The following PRDM11 variants were observed in gnomAD, a reference collection of about 807,000 sequenced individuals.
The protein encoded by PRDM11 is PR/SET domain 11, also known as PR domain-containing protein 11.
In PRDM11, 20 loss-of-function variants were observed where a neutral mutation model predicts 97.8. The ratio of observed to expected loss-of-function variants is 0.20; its 90% confidence interval spans 0.14 to 0.30. The LOEUF is 0.30. Among genes scored for constraint, PRDM11 ranks in the 10% least tolerant of loss-of-function variants. The probability of loss-of-function intolerance (pLI) is 1.00; values close to 1 mark genes in which losing one functional copy is unlikely to be tolerated. For synonymous variants in PRDM11, 599 were observed against 637.7 expected (o/e 0.94, Z 0.91); for missense variants, 1,139 against 1,555.2 (o/e 0.73, Z 4.50).
chr11:45,220,331 T>C (rs1390890983), intron 6 of PRDM11, among the ~76,000 whole-genome samples: 1 of 152,192 alleles, frequency 6.6e-6, no homozygotes, highest in East Asian at 1.9e-4. Context: ...TTCTGCATGT[T>C]CCCATGTAAT....
intron 1 of PRDM11, among the ~76,000 whole-genome samples, chr11:45,099,765 C>A: frequency 6.6e-6 from 1 of 152,272 alleles, no homozygotes; most frequent in Non-Finnish European, 1.5e-5. Flanking sequence ...TAAGTTATTA[C>A]TTACTGTAGT....
Position 45,182,236 on chromosome 11 carries a change from C to T in PRDM11, c.120-10C>T. 8.1e-6 allele frequency: 13 copies of T among 1,612,934 alleles called. No individual in the cohort carries two copies. The highest frequency in any genetic ancestry group is 1.1e-5 in the Non-Finnish European group (13 of 1,179,190). On this transcript the variant is annotated splice_polypyrimidine_tract_variant and intron_variant, in intron 2 of 7. Transcript: ENST00000683152. ...TCTTTGCTTTCTTTGCGGGCCTCTG[C>T]CCTGGCCAGCTCTAGGAGACCGGAC...
At chr11:45,145,765 C>T (rs1488469887), upstream of PRDM11, among the ~76,000 whole-genome samples, 1 of 152,142 alleles carries the variant, frequency 6.6e-6, no homozygotes, top group Non-Finnish European at 1.5e-5. Context: ...TGCAGTGTCC[C>T]TTGCCCTCCT....
chr11:45,107,195 A>T (rs1156525334), intron 1 of PRDM11, among the ~76,000 whole-genome samples: 1 of 152,274 alleles, frequency 6.6e-6, no homozygotes, highest in African/African-American at 2.4e-5. Context: ...AGGACAGGTG[A>T]CTATCTCAGG....
intron 1 of PRDM11, among the ~76,000 whole-genome samples, chr11:45,105,752 T>C (rs1220649285): frequency 6.6e-6 from 1 of 152,196 alleles, no homozygotes; most frequent in African/African-American, 2.4e-5. Flanking sequence ...TCCCTCTCCC[T>C]GGGGGCAGCC....
intron 1 of PRDM11, among the ~76,000 whole-genome samples, chr11:45,179,042 G>A (rs569229130): frequency 6.6e-6 from 1 of 152,334 alleles, no homozygotes; most frequent in South Asian, 2.1e-4. Context: ...CTGAAGTCTG[G>A]ATAGGAGTTC....
At chr11:45,194,791 G>T (rs1182739142) in intron 4 of PRDM11, among the ~76,000 whole-genome samples, 1 of 150,808 alleles carries the variant, frequency 6.6e-6, no homozygotes, top group African/African-American at 2.4e-5. Context: ...GTAGAGACGG[G>T]GTTTCACCGT....
intron 1 of PRDM11, among the ~76,000 whole-genome samples, chr11:45,180,020 T>A (rs570809348): frequency 6.6e-6 from 1 of 152,340 alleles, no homozygotes; most frequent in Admixed American, 6.5e-5. Flanking sequence ...TTAAGGGTGA[T>A]CCCAGCGATT....
chr11:45,196,999 T>A (rs759459522), intron 4 of PRDM11, among the ~76,000 whole-genome samples: 3 of 152,186 alleles, frequency 2.0e-5, no homozygotes, highest in Admixed American at 6.5e-5. Context: ...GTACTTAGCA[T>A]GTGATGAGCA....
At chr11:45,194,546 G>T (rs1306169661) in intron 4 of PRDM11, among the ~76,000 whole-genome samples, 1 of 144,298 alleles carries the variant, frequency 6.9e-6, no homozygotes, top group East Asian at 2.1e-4. Flanking sequence ...AGTACTAAAT[G>T]ATTTGTATAT....
chr11:45,182,762 G>T, intron 3 of PRDM11, 99 bp from the exon 4 acceptor site: 2 of 1,398,048 alleles, frequency 1.4e-6, no homozygotes, highest in African/African-American at 1.4e-5. Flanking sequence ...GCAGCTGGCT[G>T]TCCATGAGTG....
At chr11:45,149,337 C>T (rs1268542057) in intron 1 of PRDM11, among the ~76,000 whole-genome samples, 1 of 152,220 alleles carries the variant, frequency 6.6e-6, no homozygotes, top group East Asian at 1.9e-4. Context: ...TGGCCCCTGC[C>T]CTTGACCTCA....
intron 4 of PRDM11, among the ~76,000 whole-genome samples, chr11:45,189,143 C>T (rs1474977236): frequency 1.3e-5 from 2 of 152,128 alleles, no homozygotes; most frequent in Non-Finnish European, 2.9e-5. Context: ...TCAAGTGATC[C>T]GCCCACCTCA....
At chr11:45,210,068 A>G (rs895385349) in intron 5 of PRDM11, among the ~76,000 whole-genome samples, 5 of 152,044 alleles carry the variant, frequency 3.3e-5, no homozygotes, top group Middle Eastern at 3.4e-3. Flanking sequence ...AGCGCGGGGG[A>G]GGGGGCTGGA....
chr11:45,135,842 A>ACT (rs1215664481), intron 1 of PRDM11, among the ~76,000 whole-genome samples: 7 of 152,206 alleles, frequency 4.6e-5, no homozygotes. Flanking sequence ...CATCAGACAA[A>ACT]CTACAATAGA....
At chr11:45,098,604 G>C (rs576044674) in intron 1 of PRDM11, among the ~76,000 whole-genome samples, 1 of 152,330 alleles carries the variant, frequency 6.6e-6, no homozygotes, top group African/African-American at 2.4e-5. Flanking sequence ...CATGTGGTCA[G>C]GTCCCAGGAT....
chr11:45,199,932 C>T (rs1457635719), intron 4 of PRDM11, among the ~76,000 whole-genome samples: 1 of 152,192 alleles, frequency 6.6e-6, no homozygotes, highest in African/African-American at 2.4e-5. Flanking sequence ...TCCAGGGCTG[C>T]AGCTCAGAGA....
chr11:45,211,858 C>T (rs1357129511), intron 5 of PRDM11, among the ~76,000 whole-genome samples: 2 of 152,116 alleles, frequency 1.3e-5, no homozygotes, highest in Non-Finnish European at 2.9e-5. Flanking sequence ...CTCATGTAAC[C>T]AAACACCACC....
upstream of PRDM11, among the ~76,000 whole-genome samples, chr11:45,095,452 G>A (rs922975689): frequency 2.0e-5 from 3 of 152,290 alleles, no homozygotes; most frequent in South Asian, 6.2e-4. Context: ...AGACAGTGCT[G>A]GGGAGTCAGG....
Sources: gnomAD v4.1 joint callset for allele counts (sites outside exome capture counted in the v4.1 genomes callset) on GRCh38, gnomAD v4.1.1 for gene constraint, MANE v1.5 for transcripts, NCBI Gene and HGNC (gene_info 2026-07-23, HGNC 2026-07-21) for gene names.